Variants in CPQ observed in about 807,000 individuals in gnomAD.
CPQ encodes the protein carboxypeptidase Q, also known as Ser-Met dipeptidase.
Under a neutral mutation model 45.7 loss-of-function variants are expected in CPQ, and 37 were observed. The observed-to-expected ratio is 0.81, with a 90% CI of 0.62 to 1.07. The LOEUF is 1.07. CPQ is among the 50% of genes least tolerant of loss of function. The probability of loss-of-function intolerance (pLI) is 0.00; values close to 1 mark genes in which losing one functional copy is unlikely to be tolerated. For synonymous variants in CPQ, 186 were observed against 205.8 expected, an observed-to-expected ratio of 0.90 and a Z score of 0.82; for missense variants, 537 against 572.9, an observed-to-expected ratio of 0.94 and a Z score of 0.64.
At chr8:97,016,353 C>T (rs543360217) in intron 5 of CPQ, among the ~76,000 whole-genome samples, 12 of 152,292 alleles carry the variant, frequency 7.9e-5, no homozygotes, top group African/African-American at 2.9e-4. Flanking sequence ...GTTACTTGTG[C>T]TTTGGTCTCA....
chr8:97,040,696 A>G (rs916524013), intron 6 of CPQ, among the ~76,000 whole-genome samples: 14 of 151,822 alleles, frequency 9.2e-5, no homozygotes, highest in African/African-American at 3.4e-4. Context: ...TCAGCTTTCT[A>G]CATATGGCTA....
intron 6 of CPQ, among the ~76,000 whole-genome samples, chr8:97,041,005 T>A (rs1378539618): frequency 6.6e-6 from 1 of 152,156 alleles, no homozygotes; most frequent in African/African-American, 2.4e-5. Flanking sequence ...AAGTAGTTTT[T>A]TCCAATTCTG....
chr8:96,928,456 G>A (rs1812922266), intron 4 of CPQ, among the ~76,000 whole-genome samples: 2 of 151,514 alleles, frequency 1.3e-5, no homozygotes, highest in Admixed American at 6.6e-5. Context: ...GAGACAGACA[G>A]GGAGAGAGAG....
intron 7 of CPQ, chr8:97,132,811 A>G (rs1208597949): frequency 6.6e-6 from 1 of 152,272 alleles, no homozygotes; most frequent in African/African-American, 2.4e-5. Flanking sequence ...AAAGGCATTT[A>G]CAAGGAGTCA....
chr8:96,690,627 A>G (rs2130736796), intron 1 of CPQ, among the ~76,000 whole-genome samples: 1 of 152,316 alleles, frequency 6.6e-6, no homozygotes. Context: ...TGCTGTAGCC[A>G]TATGTAGTTT....
intron 3 of CPQ, among the ~76,000 whole-genome samples, chr8:96,839,679 G>A (rs1982002): frequency 0.59 from 90,373 of 151,962 alleles, 27,688 homozygotes; most frequent in East Asian, 0.88. Context: ...TGAATTCCAT[G>A]TGTTTTTTGT....
In CPQ at chr8:96,874,343, C is replaced by G. The variant is rs371066919; in HGVS notation, c.642-5455C>G. Reference sequence around the variant, plus strand: ...GATATAATTCAGACACAATAAAATACACTCCTTTAACTTGCACAACTCTAT... The same window carrying G: ...GATATAATTCAGACACAATAAAATAGACTCCTTTAACTTGCACAACTCTAT... On this transcript the variant is annotated intron_variant, in intron 3 of 7. Transcript: ENST00000220763. Among the ~76,000 whole-genome samples the G allele has an allele frequency of 2.5e-4, 38 of 151,842 alleles. No individual in the cohort carries two copies. In the East Asian group the frequency reaches 5.8e-3, roughly 23 times the overall value.
intron 2 of CPQ, among the ~76,000 whole-genome samples, chr8:96,826,112 A>G (rs1811376028): frequency 1.3e-5 from 2 of 152,082 alleles, no homozygotes; most frequent in Non-Finnish European, 2.9e-5. Context: ...CTGTATTTTA[A>G]TGATCTTGAG....
chr8:96,778,891 G>C lies in CPQ; in HGVS notation c.-34-5973G>C, dbSNP rs140583463. On this transcript the variant is annotated intron_variant, in intron 1 of 7. Coordinates refer to ENST00000220763, the MANE Select transcript of CPQ (RefSeq NM_016134.4). ...ATCAGCCTGGCCAATATGGTGAAAA[G>C]CTGTCTCTACTGAAAATACAAAAAT... Among the ~76,000 whole-genome samples the C allele has an allele frequency of 3.7e-3, 563 of 151,964 alleles. 8 individuals carry two copies. The highest frequency in any genetic ancestry group is 0.011 in the Admixed American group (173 of 15,242).
At chr8:96,863,364 A>G (rs1484486836) in intron 3 of CPQ, among the ~76,000 whole-genome samples, 4 of 151,964 alleles carry the variant, frequency 2.6e-5, no homozygotes, top group Non-Finnish European at 5.9e-5. Context: ...TAGCTCTGAT[A>G]GTTGAATGTA....
At chr8:96,681,056 G>C (rs573160906) in intron 1 of CPQ, among the ~76,000 whole-genome samples, 2 of 152,160 alleles carry the variant, frequency 1.3e-5, no homozygotes, top group Non-Finnish European at 2.9e-5. Context: ...TTTTAAAAGG[G>C]AAACAGAGCA....
chr8:96,941,774 G>A (rs1361510004), intron 4 of CPQ, among the ~76,000 whole-genome samples: 2 of 152,106 alleles, frequency 1.3e-5, no homozygotes, highest in Non-Finnish European at 2.9e-5. Flanking sequence ...AAAACAATTA[G>A]AATGAAACTT....
At chr8:96,790,644 G>A (rs1810834420) in intron 2 of CPQ, among the ~76,000 whole-genome samples, 1 of 152,024 alleles carries the variant, frequency 6.6e-6, no homozygotes, top group Non-Finnish European at 1.5e-5. Flanking sequence ...GTCAGAATAC[G>A]GTACCTGTAG....
At chr8:97,053,537 G>A (rs1810399642) in intron 6 of CPQ, among the ~76,000 whole-genome samples, 1 of 152,162 alleles carries the variant, frequency 6.6e-6, no homozygotes, top group Admixed American at 6.6e-5. Context: ...GGTGCTGCTG[G>A]AGGCCATGCT....
chr8:97,069,977 G>C (rs1187841123), intron 7 of CPQ, among the ~76,000 whole-genome samples: 2 of 152,154 alleles, frequency 1.3e-5, no homozygotes, highest in Non-Finnish European at 2.9e-5. Flanking sequence ...ATCTTTGGGA[G>C]AGAAAAGATG....
intron 1 of CPQ, among the ~76,000 whole-genome samples, chr8:96,699,084 G>A (rs543656163): frequency 4.2e-4 from 64 of 152,252 alleles, no homozygotes; most frequent in African/African-American, 1.5e-3. Flanking sequence ...AGCAAACTAA[G>A]TGTCCATCAA....
intron 4 of CPQ, among the ~76,000 whole-genome samples, chr8:96,908,433 G>C (rs529029904): frequency 4.6e-5 from 7 of 152,206 alleles, no homozygotes; most frequent in African/African-American, 1.7e-4. Context: ...AAAGCAGATT[G>C]ATAACAGTGA....
chr8:96,656,655 G>T (rs1027464232), intron 1 of CPQ, among the ~76,000 whole-genome samples: 2 of 152,152 alleles, frequency 1.3e-5, no homozygotes, highest in African/African-American at 4.8e-5. Context: ...CCCTGTGATG[G>T]TCATCTCCAC....
At chr8:96,648,823 A>G (rs1212986308) in intron 1 of CPQ, among the ~76,000 whole-genome samples, 1 of 152,178 alleles carries the variant, frequency 6.6e-6, no homozygotes, top group Non-Finnish European at 1.5e-5. Flanking sequence ...AAGAGCAAGG[A>G]AAAGGAGGCA....
Sources: gnomAD v4.1 joint callset for allele counts (sites outside exome capture counted in the v4.1 genomes callset) on GRCh38, gnomAD v4.1.1 for gene constraint, MANE v1.5 for transcripts, NCBI Gene and HGNC (gene_info 2026-07-23, HGNC 2026-07-21) for gene names.